The following AGAP1 variants were observed in gnomAD, a reference collection of about 807,000 sequenced individuals.
The protein encoded by AGAP1 is arf-GAP with GTPase, ANK repeat and PH domain-containing protein 1.
AGAP1 carries 29 observed loss-of-function variants against 105.3 expected under a neutral mutation model. The ratio of observed to expected loss-of-function variants is 0.28; its 90% CI spans 0.21 to 0.38. AGAP1 has a LOEUF of 0.38. Ranked by LOEUF, AGAP1 falls within the 10% of genes least tolerant of loss-of-function variation. The pLI is 1.00. For missense variants in AGAP1, 998 were observed against 1,165.1 expected (o/e 0.86, Z 2.09); for synonymous variants, 509 against 485.9 (o/e 1.05, Z -0.63).
At chr2:235,804,512 CGTTGACTTAGCCACT>C (rs1957741064) in intron 8 of AGAP1, among the ~76,000 whole-genome samples, 1 of 152,164 alleles carries the variant, frequency 6.6e-6, no homozygotes, top group Admixed American at 6.5e-5. Flanking sequence ...TTCCAGCAGC[CGTTGACTTAGCCACT>C]GGTTGAAAGG....
chr2:235,525,065 C>T (rs936084448), intron 1 of AGAP1, among the ~76,000 whole-genome samples: 4 of 152,260 alleles, frequency 2.6e-5, no homozygotes, highest in Admixed American at 6.5e-5. Flanking sequence ...ATGAGGCAGG[C>T]GTGAAATTTA....
At position 236,124,433 on chromosome 2, in the gene AGAP1, A is replaced by T. The variant is rs11894960; in HGVS notation, c.*311A>T. The T allele has an allele frequency of 0.42, 158,005 of 373,730 alleles. 37,316 individuals carry two copies. The highest frequency in any genetic ancestry group is 0.72 in the African/African-American group (34,672 of 48,210). 23.2% of individuals were successfully genotyped at this position (373,730 alleles called of 1,614,324 possible). On this transcript the variant is annotated 3_prime_UTR_variant, in exon 18 of 18. Transcript: ENST00000304032. The surrounding 1 kb of genome is among the most constrained non-coding windows in gnomAD (Gnocchi z 5.1). ...GGCGCAGGACCCTTGTCCTGGTGGC[A>T]CAAGGGATGGGGACGCGAGGGGGAG... is the stretch of plus-strand genomic sequence containing the variant.
Position 236,044,704 on chromosome 2 carries a change from C to CGCAACGT in AGAP1, c.1891+3864_1891+3870dup, listed in dbSNP as rs2057662489. 6.6e-6 allele frequency among the ~76,000 whole-genome samples: 1 copy of CGCAACGT among 152,100 alleles called. No individual in the cohort carries two copies. Among genetic ancestry groups the CGCAACGT allele is most frequent in the Non-Finnish European group, 1.5e-5 (1 of 68,024 alleles). Reference sequence around the variant, plus strand: ...GGCCCACAAATAGAACCTCCGGTCCCGCAACGTCGGGTCTCCTTCCCATTG... The same window carrying CGCAACGT: ...GGCCCACAAATAGAACCTCCGGTCCCGCAACGTGCAACGTCGGGTCTCCTTCCCATTG... On this transcript the variant is annotated intron_variant, in intron 15 of 17. Transcript: ENST00000304032. This position sits in a 1 kb window ranked among gnomAD's most constrained non-coding sequence, Gnocchi z 5.7.
chr2:236,000,560 C>T lies in AGAP1; in HGVS notation c.1645+31937C>T, dbSNP rs1024349685. ...CAAGCCTGTTCCTAGAAGGCCATGGCGCACCTGCTCTGTGCAGAGGCTGGG... is the reference window on the plus strand; with the variant it reads ...CAAGCCTGTTCCTAGAAGGCCATGGTGCACCTGCTCTGTGCAGAGGCTGGG... On this transcript the variant is annotated intron_variant, in intron 13 of 17. Transcript: ENST00000304032. This position sits in a 1 kb window ranked among gnomAD's most constrained non-coding sequence, Gnocchi z 4.3. Among the ~76,000 whole-genome samples the T allele has an allele frequency of 2.6e-5, 4 of 152,150 alleles. No individual in the cohort carries two copies. Among genetic ancestry groups the T allele is most frequent in the Admixed American group, 1.3e-4 (2 of 15,280 alleles).
chr2:235,677,761 C>T (rs967254401), intron 1 of AGAP1, among the ~76,000 whole-genome samples: 3 of 151,900 alleles, frequency 2.0e-5, no homozygotes, highest in Non-Finnish European at 1.5e-5. Flanking sequence ...ACTCGGTGAA[C>T]AATGCCGCCA....
chr2:236,048,648 C>G (rs1250251771), intron 15 of AGAP1, among the ~76,000 whole-genome samples: 1 of 152,206 alleles, frequency 6.6e-6, no homozygotes, highest in East Asian at 1.9e-4. Flanking sequence ...CGGTGTCACC[C>G]AGCTGCCCCT....
rs892777473 is a variant in AGAP1 at position 235,690,033 on chromosome 2, A to G, written c.164-19146A>G. Among the ~76,000 whole-genome samples, 1 of 152,180 alleles carries G rather than the reference A, an allele frequency of 6.6e-6. No individual in the cohort carries two copies. Among genetic ancestry groups the G allele is most frequent in the Non-Finnish European group, 1.5e-5 (1 of 68,020 alleles). On this transcript the variant is annotated intron_variant, in intron 1 of 17. Coordinates refer to ENST00000304032, the MANE Select transcript of AGAP1 (RefSeq NM_001037131.3). The surrounding 1 kb of genome is among the most constrained non-coding windows in gnomAD (Gnocchi z 4.1). ...TGAAAGTGATATCACAGCAAATGCA[A>G]AGGTGACTGGGAGTTCTAAGCCCCT...
chr2:235,816,437 CAAAAA>C (rs79795818), intron 9 of AGAP1, among the ~76,000 whole-genome samples: 3 of 97,930 alleles, frequency 3.1e-5, no homozygotes, highest in East Asian at 3.3e-4. Flanking sequence ...GACTCCGTCT[CAAAAA>C]AAAAAAAAAA....
At chr2:236,013,706 G>A (rs2056598294) in intron 13 of AGAP1, among the ~76,000 whole-genome samples, 1 of 152,300 alleles carries the variant, frequency 6.6e-6, no homozygotes, top group East Asian at 1.9e-4. Flanking sequence ...ACGGTCCTGT[G>A]AGACCCCTTC....
At chr2:235,980,995 G>T (rs2055069046) in intron 13 of AGAP1, among the ~76,000 whole-genome samples, 1 of 152,158 alleles carries the variant, frequency 6.6e-6, no homozygotes, top group Admixed American at 6.5e-5. Flanking sequence ...CTCCTGTTAT[G>T]CTCTTAATTC....
In AGAP1 at chr2:235,741,896, G is replaced by A. The variant is rs1343391930; in HGVS notation, c.396+848G>A. Among the ~76,000 whole-genome samples, 1 of 151,734 alleles carries A rather than the reference G, an allele frequency of 6.6e-6. No individual in the cohort carries two copies. ...AGCCTCCTGAGTAGCTGGGACTACGGGCGCCTGCTACCACGCCTGGCTAAT... is the reference window on the plus strand; with the variant it reads ...AGCCTCCTGAGTAGCTGGGACTACGAGCGCCTGCTACCACGCCTGGCTAAT... On this transcript the variant is annotated intron_variant, in intron 4 of 17. Coordinates refer to ENST00000304032, the MANE Select transcript of AGAP1 (RefSeq NM_001037131.3). This position sits in a 1 kb window ranked among gnomAD's most constrained non-coding sequence, Gnocchi z 4.9.
intron 6 of AGAP1, among the ~76,000 whole-genome samples, chr2:235,771,739 T>C (rs750216494): frequency 5.3e-5 from 8 of 152,094 alleles, no homozygotes; most frequent in Non-Finnish European, 8.8e-5. Context: ...TCCAACTCAC[T>C]CCTTACCTCC....
At position 235,799,539 on chromosome 2, in the gene AGAP1, G is replaced by C. The variant is rs777579052; in HGVS notation, c.957+17G>C. 1.9e-6 allele frequency: 3 copies of C among 1,610,688 alleles called. No individual in the cohort carries two copies. The South Asian group carries it at 3.3e-5, about 18-fold the overall frequency. ...CTGTTCACCGTGAGTGTCAACCCTG[G>C]GTGGAGATTTGAATGCGATTCCGAA... On this transcript the variant is annotated intron_variant, in intron 8 of 17. Transcript: ENST00000304032. The surrounding 1 kb of genome is among the most constrained non-coding windows in gnomAD (Gnocchi z 5.0).
chr2:235,659,089 C>T lies in AGAP1; in HGVS notation c.164-50090C>T, dbSNP rs1250929473. Among the ~76,000 whole-genome samples the T allele has an allele frequency of 9.9e-5, 15 of 152,146 alleles. 1 individual carries two copies. Among genetic ancestry groups the T allele is most frequent in the Admixed American group, 6.5e-4 (10 of 15,278 alleles). The stretch of plus-strand genomic sequence containing the variant: ...CCACGCCAGCCTCCTTTTGCAAGTC[C>T]ACCTGCCGTTCTGGGCTTGCCCTGG... On this transcript the variant is annotated intron_variant, in intron 1 of 17. Coordinates refer to ENST00000304032, the MANE Select transcript of AGAP1 (RefSeq NM_001037131.3). This position sits in a 1 kb window ranked among gnomAD's most constrained non-coding sequence, Gnocchi z 5.0.
intron 1 of AGAP1, among the ~76,000 whole-genome samples, chr2:235,671,851 T>G (rs1190967005): frequency 6.6e-6 from 1 of 152,192 alleles, no homozygotes; most frequent in Non-Finnish European, 1.5e-5. Flanking sequence ...TCTGCAGGAA[T>G]CAGTTAACCT....
At chr2:236,102,959 G>A (rs1272741278) in intron 16 of AGAP1, among the ~76,000 whole-genome samples, 1 of 119,758 alleles carries the variant, frequency 8.4e-6, no homozygotes, top group South Asian at 2.5e-4. Context: ...GCAAGCCCCC[G>A]CCCCACCTCT....
At position 235,725,134 on chromosome 2, in the gene AGAP1, G is replaced by A. The variant is rs891671420; in HGVS notation, c.310+7490G>A. On this transcript the variant is annotated intron_variant, in intron 3 of 17. Coordinates refer to ENST00000304032, the MANE Select transcript of AGAP1 (RefSeq NM_001037131.3). This position sits in a 1 kb window ranked among gnomAD's most constrained non-coding sequence, Gnocchi z 5.7. Reference sequence around the variant, plus strand: ...GGTGTGCTGGATGAGAGTTCTACTGGCCACTGGCTTCTGGCCTCCAGGGCC... The same window carrying A: ...GGTGTGCTGGATGAGAGTTCTACTGACCACTGGCTTCTGGCCTCCAGGGCC... 4.6e-5 allele frequency among the ~76,000 whole-genome samples: 7 copies of A among 152,150 alleles called. No homozygotes were observed. Among genetic ancestry groups the A allele is most frequent in the Non-Finnish European group, 8.8e-5 (6 of 68,032 alleles).
intron 1 of AGAP1, among the ~76,000 whole-genome samples, chr2:235,668,525 G>GT (rs1376769899): frequency 2.0e-5 from 3 of 152,242 alleles, no homozygotes; most frequent in African/African-American, 7.2e-5. Context: ...GGAGAAGGTC[G>GT]TGTAAGCATG....
chr2:235,911,101 G>A (rs531140870), intron 11 of AGAP1, among the ~76,000 whole-genome samples: 37 of 152,192 alleles, frequency 2.4e-4, no homozygotes, highest in Admixed American at 5.9e-4. Flanking sequence ...TGATAAAAAT[G>A]TATTAAATAG....
Sources: allele counts gnomAD v4.1 joint callset (sites outside exome capture counted in the v4.1 genomes callset), GRCh38; gene constraint gnomAD v4.1.1; non-coding constraint Gnocchi (gnomAD v3.1); transcripts MANE v1.5; gene names NCBI Gene and HGNC (gene_info 2026-07-23, HGNC 2026-07-21).